The following UNC13C variants were observed in gnomAD, a reference collection of about 807,000 sequenced individuals.
UNC13C encodes the protein protein unc-13 homolog C.
A neutral mutation model predicts 245.4 loss-of-function variants in UNC13C; 174 were observed. The ratio of observed to expected loss-of-function variants is 0.71; its 90% confidence interval spans 0.63 to 0.80. The LOEUF (loss-of-function observed/expected upper bound fraction) is 0.80, where lower values mean the gene tolerates loss of function less well. Ranked by LOEUF, UNC13C falls within the 30% of genes least tolerant of loss-of-function variation. The pLI, the probability that UNC13C is intolerant of heterozygous loss-of-function variation, is 0.00. For missense variants in UNC13C, 2,829 were observed against 2,602.9 expected (o/e 1.09, Z -1.89); for synonymous variants, 992 against 895.1 (o/e 1.11, Z -1.93).
chr15:54,188,571 A>G (rs1325744175), intron 4 of UNC13C, among the ~76,000 whole-genome samples: 2 of 152,206 alleles, frequency 1.3e-5, no homozygotes, highest in African/African-American at 2.4e-5. Flanking sequence ...GATAAGAGCA[A>G]TCGCAAATGA....
At chr15:54,619,689 T>C (rs1490223579) in intron 30 of UNC13C, among the ~76,000 whole-genome samples, 1 of 152,176 alleles carries the variant, frequency 6.6e-6, no homozygotes, top group Non-Finnish European at 1.5e-5. Flanking sequence ...CAGAGGACAC[T>C]AATGTTGTTT....
intron 1 of UNC13C, among the ~76,000 whole-genome samples, chr15:53,986,903 ACT>A (rs1274038278): frequency 6.6e-6 from 1 of 152,058 alleles, no homozygotes; most frequent in East Asian, 1.9e-4. Context: ...ATGGAAAGAC[ACT>A]CTGAGATCCT....
intron 2 of UNC13C, among the ~76,000 whole-genome samples, chr15:54,097,846 T>C (rs1337210714): frequency 6.6e-6 from 1 of 152,232 alleles, no homozygotes; most frequent in African/African-American, 2.4e-5. Flanking sequence ...AATAACTTGC[T>C]TGTAAAATAA....
At chr15:54,366,778 GT>G (rs1451614959) in intron 17 of UNC13C, among the ~76,000 whole-genome samples, 1 of 152,012 alleles carries the variant, frequency 6.6e-6, no homozygotes, top group Non-Finnish European at 1.5e-5. Flanking sequence ...TTAATGCAGC[GT>G]TTTTCTTCAT....
intron 10 of UNC13C, among the ~76,000 whole-genome samples, chr15:54,285,050 G>C (rs887443843): frequency 6.6e-6 from 1 of 152,098 alleles, no homozygotes; most frequent in African/African-American, 2.4e-5. Context: ...TCTATGATCT[G>C]TTAAAACATA....
intron 2 of UNC13C, among the ~76,000 whole-genome samples, chr15:54,047,618 T>C (rs1339215007): frequency 6.6e-6 from 1 of 152,166 alleles, no homozygotes; most frequent in Non-Finnish European, 1.5e-5. Context: ...TTCCATTGTA[T>C]GTATTGTACC....
At chr15:54,398,262 T>G (rs2040111933) in intron 18 of UNC13C, among the ~76,000 whole-genome samples, 1 of 151,402 alleles carries the variant, frequency 6.6e-6, no homozygotes, top group Non-Finnish European at 1.5e-5. Flanking sequence ...ACTAAGGAAT[T>G]TTTAACTTTA....
At chr15:53,852,019 A>G in the UNC13C span, among the ~76,000 whole-genome samples, 3 of 152,160 alleles carry the variant, frequency 2.0e-5, no homozygotes, top group African/African-American at 7.2e-5. Flanking sequence ...ATGGGATCCA[A>G]AGAGGGAGCT....
At chr15:54,134,886 A>G (rs1260301944) in intron 2 of UNC13C, among the ~76,000 whole-genome samples, 2 of 151,532 alleles carry the variant, frequency 1.3e-5, no homozygotes, top group African/African-American at 4.9e-5. Context: ...TTTTTGAGGA[A>G]CCTCCATACT....
chr15:54,443,608 T>C (rs1890650119), intron 19 of UNC13C, among the ~76,000 whole-genome samples: 1 of 152,108 alleles, frequency 6.6e-6, no homozygotes, highest in South Asian at 2.1e-4. Flanking sequence ...TGTGTTTCTA[T>C]TTTTATTTGT....
chr15:54,450,687 G>T (rs934780019), intron 19 of UNC13C, among the ~76,000 whole-genome samples: 26 of 152,332 alleles, frequency 1.7e-4, no homozygotes, highest in African/African-American at 6.0e-4. Context: ...TGCTTGGCTA[G>T]TAAAGGGAAT....
intron 8 of UNC13C, among the ~76,000 whole-genome samples, chr15:54,258,369 T>C (rs2036334878): frequency 6.6e-6 from 1 of 152,028 alleles, no homozygotes; most frequent in African/African-American, 2.4e-5. Flanking sequence ...TGTGAAATTA[T>C]TATTATTTTT....
chr15:54,384,215 TA>T (rs1383859708), intron 17 of UNC13C, among the ~76,000 whole-genome samples: 1 of 152,008 alleles, frequency 6.6e-6, no homozygotes, highest in Non-Finnish European at 1.5e-5. Context: ...ACCCTGAGCA[TA>T]AAGAACAAAC....
At chr15:54,202,628 A>C (rs2034558343) in intron 4 of UNC13C, among the ~76,000 whole-genome samples, 1 of 152,076 alleles carries the variant, frequency 6.6e-6, no homozygotes, top group Non-Finnish European at 1.5e-5. Flanking sequence ...AGAAGAATGA[A>C]ACTGGGTCCT....
chr15:54,038,109 T>TAC (rs1566966324), intron 2 of UNC13C, among the ~76,000 whole-genome samples: 28 of 40,378 alleles, frequency 6.9e-4, no homozygotes, highest in African/African-American at 2.5e-3. Context: ...CATATATATA[T>TAC]ATATATATAT....
chr15:53,882,156 C>T, the UNC13C span, among the ~76,000 whole-genome samples: 1 of 152,094 alleles, frequency 6.6e-6, no homozygotes. Context: ...TGGAATCTAG[C>T]TTTTATTTCA....
At chr15:54,073,183 C>T (rs780299041) in intron 2 of UNC13C, among the ~76,000 whole-genome samples, 6 of 152,142 alleles carry the variant, frequency 3.9e-5, no homozygotes, top group East Asian at 1.9e-4. Flanking sequence ...TTTCCAGCTT[C>T]GTCCATGTCC....
intron 2 of UNC13C, among the ~76,000 whole-genome samples, chr15:54,093,140 C>T (rs1277280834): frequency 6.6e-6 from 1 of 151,622 alleles, no homozygotes; most frequent in Non-Finnish European, 1.5e-5. Context: ...ATTTATGCTG[C>T]TATTATTCAT....
At chr15:54,458,572 A>G (rs918907609) in intron 19 of UNC13C, among the ~76,000 whole-genome samples, 1 of 151,654 alleles carries the variant, frequency 6.6e-6, no homozygotes, top group African/African-American at 2.4e-5. Context: ...TGGGATCTCC[A>G]GTGTTAGATG....
Sources: allele counts gnomAD v4.1 joint callset (sites outside exome capture counted in the v4.1 genomes callset), GRCh38; gene constraint gnomAD v4.1.1; transcripts MANE v1.5; gene names NCBI Gene and HGNC (gene_info 2026-07-23, HGNC 2026-07-21).